NLGN1: variants seen among roughly 807,000 people sequenced by gnomAD.
NLGN1 encodes neuroligin 1, also known as neuroligin-1.
NLGN1 carries 12 observed loss-of-function variants against 65.5 expected under a neutral mutation model. The ratio of observed to expected loss-of-function variants is 0.18; its 90% CI spans 0.12 to 0.30. The LOEUF (loss-of-function observed/expected upper bound fraction) is 0.30, where lower values mean the gene tolerates loss of function less well. Among genes scored for constraint, NLGN1 ranks in the 10% least tolerant of loss-of-function variants. The probability of loss-of-function intolerance (pLI) is 1.00; values close to 1 mark genes in which losing one functional copy is unlikely to be tolerated. For synonymous variants in NLGN1, 350 were observed against 359.5 expected (o/e 0.97, Z 0.30); for missense variants, 750 against 1,007.1 (o/e 0.74, Z 3.46).
intron 4 of NLGN1, among the ~76,000 whole-genome samples, chr3:174,076,722 AGAGTGTGTGTGTGT>A (rs1354846108): frequency 7.8e-5 from 8 of 102,984 alleles, no homozygotes; most frequent in Admixed American, 1.8e-4. Flanking sequence ...AGAGAGAGAG[AGAGTGTGTGTGTGT>A]GTGTGTGTGT....
At chr3:173,912,284 C>A (rs897812396) in intron 4 of NLGN1, among the ~76,000 whole-genome samples, 3 of 152,102 alleles carry the variant, frequency 2.0e-5, no homozygotes, top group African/African-American at 7.2e-5. Flanking sequence ...ATTCCACTCC[C>A]GGGATTTTAT....
At chr3:173,773,999 T>C (rs1012027757) in intron 3 of NLGN1, among the ~76,000 whole-genome samples, 2 of 152,158 alleles carry the variant, frequency 1.3e-5, no homozygotes, top group African/African-American at 4.8e-5. Flanking sequence ...TGGTAATATG[T>C]GTGCGTGTCT....
chr3:173,801,898 A>G (rs1715524535), intron 3 of NLGN1, among the ~76,000 whole-genome samples: 1 of 152,128 alleles, frequency 6.6e-6, no homozygotes, highest in African/African-American at 2.4e-5. Flanking sequence ...ATATTTTGTG[A>G]CATTGTAGAA....
intron 3 of NLGN1, among the ~76,000 whole-genome samples, chr3:173,720,837 C>T (rs994966623): frequency 3.9e-5 from 6 of 152,210 alleles, no homozygotes; most frequent in South Asian, 2.1e-4. Flanking sequence ...CCTGCACTTG[C>T]GTGTCTGCTG....
chr3:173,882,872 G>A (rs548343533), intron 4 of NLGN1, among the ~76,000 whole-genome samples: 1 of 151,650 alleles, frequency 6.6e-6, no homozygotes, highest in African/African-American at 2.4e-5. Context: ...CTTTTAACAT[G>A]TCTTTCTCAC....
intron 3 of NLGN1, among the ~76,000 whole-genome samples, chr3:173,719,072 C>T (rs1167107275): frequency 1.3e-5 from 2 of 152,154 alleles, no homozygotes; most frequent in Non-Finnish European, 2.9e-5. Context: ...TGTTGTTCAG[C>T]CATATTGATC....
intron 4 of NLGN1, among the ~76,000 whole-genome samples, chr3:173,886,132 T>C (rs1429185432): frequency 6.6e-6 from 1 of 152,088 alleles, no homozygotes; most frequent in Admixed American, 6.6e-5. Context: ...ATATTAGTCA[T>C]TAGGACCATG....
intron 2 of NLGN1, among the ~76,000 whole-genome samples, chr3:173,576,305 A>C (rs2149348539): frequency 6.6e-6 from 1 of 152,270 alleles, no homozygotes; most frequent in South Asian, 2.1e-4. Context: ...TATCTTTAAT[A>C]TTTTTAAATA....
At chr3:173,564,881 A>G (rs1743368678) in intron 2 of NLGN1, among the ~76,000 whole-genome samples, 1 of 152,234 alleles carries the variant, frequency 6.6e-6, no homozygotes, top group Admixed American at 6.5e-5. Context: ...GGAATTCATA[A>G]GGAAAATGTA....
At chr3:173,921,777 G>A (rs543760877) in intron 4 of NLGN1, among the ~76,000 whole-genome samples, 4 of 152,096 alleles carry the variant, frequency 2.6e-5, no homozygotes, top group African/African-American at 4.8e-5. Flanking sequence ...TTGAAAATAC[G>A]GTTATCAGAA....
chr3:174,286,877 A>G (rs1752182591), downstream of NLGN1, among the ~76,000 whole-genome samples: 1 of 151,390 alleles, frequency 6.6e-6, no homozygotes, highest in Non-Finnish European at 1.5e-5. Context: ...CAGAAAAGAG[A>G]GAGGAAAGTG....
In NLGN1 at chr3:173,559,512, CA is replaced by C. The variant is rs1164095001; in HGVS notation, c.-320-44766del. Reference sequence around the variant, plus strand: ...TGATTCATTAAGGCTTTCTAGCACCCACCATGCTTCACTAACCACACAGAAT... The same window carrying C: ...TGATTCATTAAGGCTTTCTAGCACCCCCATGCTTCACTAACCACACAGAAT... On this transcript the variant is annotated intron_variant, in intron 2 of 6. Coordinates refer to ENST00000457714, the Ensembl canonical transcript of NLGN1. 6.6e-5 allele frequency among the ~76,000 whole-genome samples: 10 copies of C among 152,316 alleles called. No homozygotes were observed. The East Asian group carries it at 1.9e-3, about 29-fold the overall frequency.
chr3:173,546,053 C>T (rs1381091116), intron 2 of NLGN1, among the ~76,000 whole-genome samples: 2 of 152,086 alleles, frequency 1.3e-5, no homozygotes, highest in African/African-American at 2.4e-5. Flanking sequence ...TGTAACAAAC[C>T]TCCACGTTCT....
intron 3 of NLGN1, among the ~76,000 whole-genome samples, chr3:173,710,138 ATATT>A (rs1240914316): frequency 6.6e-6 from 1 of 152,158 alleles, no homozygotes; most frequent in Non-Finnish European, 1.5e-5. Flanking sequence ...CAATGAGTGA[ATATT>A]TATATATTCA....
chr3:173,704,491 C>A (rs1767745621), intron 3 of NLGN1, among the ~76,000 whole-genome samples: 1 of 152,092 alleles, frequency 6.6e-6, no homozygotes, highest in South Asian at 2.1e-4. Context: ...ATCAATGTTT[C>A]ATTTCTGAAA....
intron 3 of NLGN1, among the ~76,000 whole-genome samples, chr3:173,723,123 A>C (rs3850180): frequency 0.85 from 128,969 of 152,104 alleles, 54,775 homozygotes; most frequent in East Asian, 1. Flanking sequence ...TTTCAAAGCG[A>C]TACTTGAAGG....
At chr3:174,273,897 A>G (rs1368176819) in intron 4 of NLGN1, among the ~76,000 whole-genome samples, 4 of 148,144 alleles carry the variant, frequency 2.7e-5, no homozygotes, top group East Asian at 1.9e-4. Context: ...TTATCCATAT[A>G]TTCAGTTTGG....
chr3:173,937,796 G>A (rs1418852970), intron 4 of NLGN1, among the ~76,000 whole-genome samples: 3 of 152,100 alleles, frequency 2.0e-5, no homozygotes, highest in Admixed American at 1.3e-4. Flanking sequence ...AGAAGCAAAT[G>A]TCTTTCATCA....
At chr3:173,540,382 A>G (rs1179380941) in intron 2 of NLGN1, among the ~76,000 whole-genome samples, 1 of 152,208 alleles carries the variant, frequency 6.6e-6, no homozygotes, top group Non-Finnish European at 1.5e-5. Flanking sequence ...TAAATGGGCC[A>G]GAGTAACACA....
Sources: gnomAD v4.1 joint callset for allele counts (sites outside exome capture counted in the v4.1 genomes callset) on GRCh38, gnomAD v4.1.1 for gene constraint, MANE v1.5 for transcripts, NCBI Gene and HGNC (gene_info 2026-07-23, HGNC 2026-07-21) for gene names.